IQCB1: variants seen among roughly 807,000 people sequenced by gnomAD.
The protein encoded by IQCB1 is IQ calmodulin-binding motif-containing protein 1.
Under a neutral mutation model 84.4 loss-of-function variants are expected in IQCB1, and 56 were observed. The observed-to-expected ratio is 0.66, with a 90% CI of 0.54 to 0.83. IQCB1 has a LOEUF of 0.83. Ranked by LOEUF, IQCB1 falls within the 40% of genes least tolerant of loss-of-function variation. The probability of loss-of-function intolerance (pLI) is 0.00; values close to 1 mark genes in which losing one functional copy is unlikely to be tolerated. For missense variants in IQCB1, 629 were observed against 682.1 expected, an observed-to-expected ratio of 0.92 and a Z score of 0.87; for synonymous variants, 210 against 234.8, an observed-to-expected ratio of 0.89 and a Z score of 0.96.
intron 7 of IQCB1, among the ~76,000 whole-genome samples, chr3:121,800,901 A>G (rs536533839): frequency 3.2e-4 from 49 of 152,022 alleles, no homozygotes; most frequent in African/African-American, 1.2e-3. Flanking sequence ...ACTATCCTTG[A>G]TAAGTTCATC....
In IQCB1 at chr3:121,807,440, A is replaced by G. The variant is rs746194022; in HGVS notation, c.491T>C (p.Leu164Pro). Reference protein sequence around the residue: ...GGHVELIQNVLQSDHFLHLLQ... With the variant: ...GGHVELIQNVPQSDHFLHLLQ... ...TAAATGTAAGAAATGATCACTTTGT[A>G]GTACTAAAGGAAAAGAAAAAAAAAG... The change falls in exon 7 of 15, where the codon CTA (leucine) becomes CCA (proline). Residue 164 changes from leucine to proline, a missense_variant. Leu to Pro is a moderately conservative substitution (Grantham distance 98). Transcript: ENST00000310864. The G allele has an allele frequency of 2.8e-6, 4 of 1,415,784 alleles. No homozygotes were observed. Among genetic ancestry groups the G allele is most frequent in the Middle Eastern group, 1.8e-4 (1 of 5,548 alleles). The allele number at this position is 1,415,784 out of a possible 1,614,324, so 87.7% of individuals were successfully genotyped here. A position where few individuals can be genotyped will look rare whatever the true frequency, so the allele number is the denominator to read the frequency against.
chr3:121,806,576 C>G (rs1311970912), intron 7 of IQCB1, among the ~76,000 whole-genome samples: 1 of 152,040 alleles, frequency 6.6e-6, no homozygotes, highest in East Asian at 1.9e-4. Flanking sequence ...GGAATTACTG[C>G]TTTCTCTTTC....
chr3:121,793,499 C>A (rs1949073030), intron 10 of IQCB1, among the ~76,000 whole-genome samples: 1 of 151,786 alleles, frequency 6.6e-6, no homozygotes, highest in Admixed American at 6.6e-5. Flanking sequence ...TGAAAAAAAA[C>A]CAAGCTACAA....
chr3:121,816,797 G>A (rs759120110), intron 5 of IQCB1, among the ~76,000 whole-genome samples: 8 of 152,278 alleles, frequency 5.3e-5, no homozygotes, highest in East Asian at 1.9e-4. Flanking sequence ...AAATAGGAAC[G>A]CTTTTACACT....
intron 7 of IQCB1, among the ~76,000 whole-genome samples, chr3:121,804,494 G>C (rs1337828124): frequency 6.6e-6 from 1 of 152,014 alleles, no homozygotes; most frequent in Non-Finnish European, 1.5e-5. Flanking sequence ...ATATATTTCT[G>C]CTGAGCATGT....
At chr3:121,774,211 A>G (rs1213605053) in intron 13 of IQCB1, among the ~76,000 whole-genome samples, 1 of 152,204 alleles carries the variant, frequency 6.6e-6, no homozygotes, top group African/African-American at 2.4e-5. Context: ...GGAAAGTGCA[A>G]GTTCAAACCA....
chr3:121,802,183 C>T (rs190545957), intron 7 of IQCB1, among the ~76,000 whole-genome samples: 18 of 151,988 alleles, frequency 1.2e-4, no homozygotes, highest in Non-Finnish European at 4.4e-5. Flanking sequence ...TTTCGATTTT[C>T]TAGAAAAGTT....
intron 5 of IQCB1, among the ~76,000 whole-genome samples, chr3:121,817,425 T>TAA (rs11420801): frequency 4.9e-4 from 72 of 146,720 alleles, no homozygotes; most frequent in South Asian, 8.7e-4. Flanking sequence ...GAAAGTATAA[T>TAA]AAAAAAAAAA....
intron 5 of IQCB1, among the ~76,000 whole-genome samples, chr3:121,811,635 A>C (rs1404644026): frequency 6.6e-6 from 1 of 152,136 alleles, no homozygotes; most frequent in Non-Finnish European, 1.5e-5. Flanking sequence ...TTCCCCTCAC[A>C]GTGTTAAGGA....
At chr3:121,833,049 A>G (rs1950704661) in intron 2 of IQCB1, among the ~76,000 whole-genome samples, 1 of 152,182 alleles carries the variant, frequency 6.6e-6, no homozygotes, top group Admixed American at 6.5e-5. Context: ...GTTCATTTTA[A>G]TATATGTTTG....
intron 7 of IQCB1, 74 bp downstream of exon 7, chr3:121,807,270 T>C: frequency 1.3e-6 from 1 of 795,548 alleles, no homozygotes; most frequent in Non-Finnish European, 2.3e-6. Context: ...CGGTCAATTT[T>C]AGCAAAATTG....
intron 5 of IQCB1, among the ~76,000 whole-genome samples, chr3:121,824,284 G>A (rs1337553011): frequency 6.6e-6 from 1 of 152,100 alleles, no homozygotes; most frequent in Non-Finnish European, 1.5e-5. Context: ...CAACTGGCAG[G>A]CAGCCTGTAC....
intron 13 of IQCB1, among the ~76,000 whole-genome samples, chr3:121,778,127 C>T (rs915590519): frequency 1.3e-5 from 2 of 152,002 alleles, no homozygotes; most frequent in Non-Finnish European, 2.9e-5. Context: ...AAGCTGGTCT[C>T]GAATTCCTGG....
Position 121,770,187 on chromosome 3 carries a change from G to A in IQCB1, c.*158C>T. On this transcript the variant is annotated 3_prime_UTR_variant, in exon 15 of 15. Transcript: ENST00000310864. ...AGAAAAGAAAAAGAAAATTGAGAGA[G>A]AGGTAGAATATAACTCTTTGCTTAC... 1.6e-6 allele frequency: 1 copy of A among 609,430 alleles called. No homozygotes were observed. Among genetic ancestry groups the A allele is most frequent in the South Asian group, 2.0e-5 (1 of 50,582 alleles). 37.8% of individuals were successfully genotyped at this position (609,430 alleles called of 1,614,324 possible). A position where few individuals can be genotyped will look rare whatever the true frequency, so the allele number is the denominator to read the frequency against.
intron 13 of IQCB1, among the ~76,000 whole-genome samples, chr3:121,776,044 G>T (rs972472469): frequency 3.3e-5 from 5 of 151,222 alleles, no homozygotes; most frequent in African/African-American, 7.3e-5. Flanking sequence ...ATTCATCCAC[G>T]TTTTTTTTTC....
intron 5 of IQCB1, among the ~76,000 whole-genome samples, chr3:121,823,844 C>G (rs1230912132): frequency 6.6e-6 from 1 of 151,976 alleles, no homozygotes; most frequent in Non-Finnish European, 1.5e-5. Flanking sequence ...ATTGAAAAGT[C>G]AATACACTAT....
intron 13 of IQCB1, among the ~76,000 whole-genome samples, chr3:121,779,489 A>ATT (rs796977500): frequency 6.6e-5 from 10 of 151,248 alleles, no homozygotes. Flanking sequence ...TGATTCAGGT[A>ATT]TTTTTTTTTA....
intron 13 of IQCB1, 110 bp from the exon 14 acceptor site, chr3:121,772,823 G>A: frequency 1.1e-6 from 1 of 934,050 alleles, no homozygotes; most frequent in East Asian, 2.4e-5. Flanking sequence ...TTTATCAATT[G>A]AATCTTATGA....
chr3:121,790,683 T>C (rs1214563823), intron 10 of IQCB1, among the ~76,000 whole-genome samples: 3 of 152,134 alleles, frequency 2.0e-5, no homozygotes, highest in Non-Finnish European at 4.4e-5. Context: ...GAATATTTAG[T>C]GACATGAGAA....
Sources: gnomAD v4.1 joint callset for allele counts (sites outside exome capture counted in the v4.1 genomes callset) on GRCh38, gnomAD v4.1.1 for gene constraint, MANE v1.5 for transcripts, NCBI Gene and HGNC (gene_info 2026-07-23, HGNC 2026-07-21) for gene names.